The following SSBP3 variants were observed in gnomAD, a reference collection of about 807,000 sequenced individuals.
SSBP3 encodes the protein single stranded DNA binding protein 3.
Under a neutral mutation model 69.6 loss-of-function variants are expected in SSBP3, and 5 were observed. The ratio of observed to expected loss-of-function variants is 0.07; its 90% CI spans 0.04 to 0.15. The LOEUF is 0.15. Among genes scored for constraint, SSBP3 ranks in the 10% least tolerant of loss-of-function variants. The pLI is 1.00. For missense variants in SSBP3, 312 were observed against 534.0 expected (o/e 0.58, Z 4.10); for synonymous variants, 196 against 193.4 (o/e 1.01, Z -0.11).
chr1:54,308,282 TC>T (rs1645935420), intron 4 of SSBP3, among the ~76,000 whole-genome samples: 1 of 151,728 alleles, frequency 6.6e-6, no homozygotes. Context: ...CATGGTGAAA[TC>T]CCGTCTCTAC....
At chr1:54,267,518 CA>C (rs1274352157) in intron 5 of SSBP3, among the ~76,000 whole-genome samples, 1 of 152,202 alleles carries the variant, frequency 6.6e-6, no homozygotes, top group East Asian at 1.9e-4. Flanking sequence ...ACAGAACAGT[CA>C]CATTTAGGCA....
chr1:54,313,020 CTTT>C (rs534805502), intron 4 of SSBP3, among the ~76,000 whole-genome samples: 3 of 121,374 alleles, frequency 2.5e-5, no homozygotes, highest in Admixed American at 8.4e-5. Flanking sequence ...GTGCCTGGAG[CTTT>C]TTTTTTTTTT....
chr1:54,313,816 G>C (rs1646049518), intron 4 of SSBP3, among the ~76,000 whole-genome samples: 1 of 151,948 alleles, frequency 6.6e-6, no homozygotes, highest in South Asian at 2.1e-4. Flanking sequence ...GCCCAGGCTG[G>C]AGTGCAGTGG....
At position 54,332,913 on chromosome 1, in the gene SSBP3, T is replaced by G. The variant is rs528224647; in HGVS notation, c.277-51386A>C. Among the ~76,000 whole-genome samples the G allele has an allele frequency of 2.0e-5, 3 of 152,120 alleles. No homozygotes were observed. The South Asian group carries it at 6.2e-4, about 32-fold the overall frequency. ...GGGTCAGGAGGGGAGTAAGCAAACATGCACGCACACACACGCGCGAGCACA... is the reference window on the plus strand; with the variant it reads ...GGGTCAGGAGGGGAGTAAGCAAACAGGCACGCACACACACGCGCGAGCACA... On this transcript the variant is annotated intron_variant, in intron 4 of 17. Coordinates refer to ENST00000610401, the Ensembl canonical transcript of SSBP3.
chr1:54,370,050 T>C (rs942097239), intron 4 of SSBP3, among the ~76,000 whole-genome samples: 2 of 152,184 alleles, frequency 1.3e-5, no homozygotes, highest in South Asian at 2.1e-4. Context: ...GGTTCCATCA[T>C]GTCTCCACAA....
At chr1:54,401,781 CTG>C (rs1384266407) in intron 4 of SSBP3, 78 bp downstream of exon 4, 2 of 1,213,832 alleles carry the variant, frequency 1.6e-6, no homozygotes, top group African/African-American at 1.5e-5. Context: ...TGCGAACTGG[CTG>C]TGTTTGCTTT....
At chr1:54,305,488 G>A (rs971300522) in intron 4 of SSBP3, among the ~76,000 whole-genome samples, 1 of 152,142 alleles carries the variant, frequency 6.6e-6, no homozygotes, top group Non-Finnish European at 1.5e-5. Context: ...CACAGAGCCA[G>A]GGAACATTTT....
In SSBP3 at chr1:54,258,486, G is replaced by A. The variant is rs749253198; in HGVS notation, c.367-337C>T. On this transcript the variant is annotated intron_variant, in intron 5 of 17. Transcript: ENST00000610401. This position sits in a 1 kb window ranked among gnomAD's most constrained non-coding sequence, Gnocchi z 4.5. ...CCATGTTAAATACGTTGGTTGAGAC[G>A]GGCTCAGAGGGAGTACAATGATGCA... is the stretch of plus-strand genomic sequence containing the variant. Among the ~76,000 whole-genome samples, 2 of 152,176 alleles carry A rather than the reference G, an allele frequency of 1.3e-5. No homozygotes were observed. Among genetic ancestry groups the A allele is most frequent in the African/African-American group, 2.4e-5 (1 of 41,440 alleles).
chr1:54,293,550 T>C (rs1406276340), intron 4 of SSBP3, among the ~76,000 whole-genome samples: 1 of 152,236 alleles, frequency 6.6e-6, no homozygotes, highest in East Asian at 1.9e-4. Flanking sequence ...TAGTACCTAG[T>C]ACCAGCTTAC....
intron 5 of SSBP3, among the ~76,000 whole-genome samples, chr1:54,268,801 G>A (rs542072329): frequency 4.5e-4 from 68 of 152,360 alleles, no homozygotes; most frequent in Non-Finnish European, 8.7e-4. Flanking sequence ...AGATGTGGGA[G>A]GTCGGGCCCA....
At chr1:54,309,578 G>A (rs142524746) in intron 4 of SSBP3, among the ~76,000 whole-genome samples, 1 of 152,282 alleles carries the variant, frequency 6.6e-6, no homozygotes, top group African/African-American at 2.4e-5. Flanking sequence ...CTTAGACAAC[G>A]CCAGGCAGTC....
At chr1:54,372,321 T>G (rs1025182997) in intron 4 of SSBP3, among the ~76,000 whole-genome samples, 7 of 152,168 alleles carry the variant, frequency 4.6e-5, no homozygotes, top group African/African-American at 1.7e-4. Flanking sequence ...TCAGGCACTA[T>G]CAGTGTTCAC....
intron 4 of SSBP3, among the ~76,000 whole-genome samples, chr1:54,372,356 A>T (rs140668555): frequency 2.3e-4 from 35 of 152,204 alleles, no homozygotes; most frequent in African/African-American, 8.2e-4. Flanking sequence ...CAAGACAAAG[A>T]TCTGCACCTG....
chr1:54,253,527 G>C lies in SSBP3; in HGVS notation c.508-1667C>G, dbSNP rs184012121. ...CATTTAGCACCTGCTGTTTCCGTCT[G>C]CCTGGGGGTGCTCAGCGTCTGTCTT... is the stretch of plus-strand genomic sequence containing the variant. On this transcript the variant is annotated intron_variant, in intron 7 of 17. Coordinates refer to ENST00000610401, the Ensembl canonical transcript of SSBP3. Among the ~76,000 whole-genome samples the C allele has an allele frequency of 5.0e-3, 758 of 152,250 alleles. 12 individuals are homozygous for C. The highest frequency in any genetic ancestry group is 0.017 in the African/African-American group (716 of 41,538).
At chr1:54,355,475 A>G (rs193227007) in intron 4 of SSBP3, among the ~76,000 whole-genome samples, 40 of 152,186 alleles carry the variant, frequency 2.6e-4, no homozygotes, top group African/African-American at 8.4e-4. Flanking sequence ...CAACTTCCCA[A>G]GTAGCTGGGA....
At chr1:54,264,286 T>C (rs949002611) in intron 5 of SSBP3, among the ~76,000 whole-genome samples, 11 of 152,092 alleles carry the variant, frequency 7.2e-5, no homozygotes. Flanking sequence ...TGGGTGACGG[T>C]GAGACCTGCC....
chr1:54,258,689 G>A lies in SSBP3; in HGVS notation c.367-540C>T, dbSNP rs892699793. 6.6e-6 allele frequency among the ~76,000 whole-genome samples: 1 copy of A among 152,288 alleles called. No individual in the cohort carries two copies. Among genetic ancestry groups the A allele is most frequent in the Admixed American group, 6.5e-5 (1 of 15,302 alleles). The stretch of plus-strand genomic sequence containing the variant: ...GAGAGGCCCAGGCGACGGGTTTCCT[G>A]GGGGCAGGAGGGCCGGGGGCACCGA... On this transcript the variant is annotated intron_variant, in intron 5 of 17. Coordinates refer to ENST00000610401, the Ensembl canonical transcript of SSBP3. The surrounding 1 kb of genome is among the most constrained non-coding windows in gnomAD (Gnocchi z 4.5).
intron 5 of SSBP3, among the ~76,000 whole-genome samples, chr1:54,264,294 G>C (rs1297942755): frequency 6.6e-6 from 1 of 152,084 alleles, no homozygotes; most frequent in South Asian, 2.1e-4. Context: ...GGTGAGACCT[G>C]CCTAAAAAAA....
chr1:54,242,458 C>A (rs1374275506), intron 10 of SSBP3, among the ~76,000 whole-genome samples: 1 of 152,152 alleles, frequency 6.6e-6, no homozygotes, highest in African/African-American at 2.4e-5. Flanking sequence ...ATGTGAAATT[C>A]CCTTTGCATG....
Sources: gnomAD v4.1 joint callset for allele counts (sites outside exome capture counted in the v4.1 genomes callset) on GRCh38, gnomAD v4.1.1 for gene constraint, Gnocchi (gnomAD v3.1) non-coding constraint, MANE v1.5 for transcripts, NCBI Gene and HGNC (gene_info 2026-07-23, HGNC 2026-07-21) for gene names.